The following ABCB7 variants were observed in gnomAD, a reference collection of about 807,000 sequenced individuals.
ABCB7 encodes the protein iron-sulfur clusters transporter ABCB7, mitochondrial.
In ABCB7, 7 loss-of-function variants were observed where a neutral mutation model predicts 54.4. That is an observed-to-expected ratio of 0.13 (90% confidence interval 0.07 to 0.24). ABCB7 has a LOEUF of 0.24. Ranked by LOEUF, ABCB7 falls within the 10% of genes least tolerant of loss-of-function variation. The pLI, the probability that ABCB7 is intolerant of heterozygous loss-of-function variation, is 1.00. For synonymous variants in ABCB7, 218 were observed against 207.1 expected (o/e 1.05, Z -0.45); for missense variants, 356 against 570.4 (o/e 0.62, Z 3.83).
chrX:75,059,168 T>A (rs889642262), intron 15 of ABCB7, among the ~76,000 whole-genome samples: 1 of 110,897 alleles, frequency 9.0e-6, no homozygotes, highest in Non-Finnish European at 1.9e-5. Flanking sequence ...CTCTCTAAAC[T>A]CTTAGTACAC....
intron 4 of ABCB7, among the ~76,000 whole-genome samples, chrX:75,080,110 T>G (rs1007192176): frequency 8.9e-6 from 1 of 112,140 alleles, no homozygotes; most frequent in African/African-American, 3.2e-5. Flanking sequence ...ATTCAACCAG[T>G]CACCCCGAAG....
In ABCB7 at chrX:75,060,337, G is replaced by A. The variant is rs952109184; in HGVS notation, c.1936-7C>T. 3 of 1,159,009 alleles carry A rather than the reference G, an allele frequency of 2.6e-6. No individual in the cohort carries two copies. The highest frequency in any genetic ancestry group is 1.8e-5 in the African/African-American group (1 of 56,252). ...TCATGGCACCAAGAATAGTCTGCAA[G>A]TTTGGTAATATGAAGAACAGGAGAA... On this transcript the variant is annotated splice_polypyrimidine_tract_variant and splice_region_variant and intron_variant, in intron 14 of 15. Coordinates refer to ENST00000373394, the MANE Select transcript of ABCB7 (RefSeq NM_001271696.3).
At chrX:75,141,178 G>A (rs2082050508) in intron 1 of ABCB7, among the ~76,000 whole-genome samples, 1 of 111,873 alleles carries the variant, frequency 8.9e-6, no homozygotes, top group African/African-American at 3.2e-5. Flanking sequence ...TCTGGCAGCT[G>A]CTTCGCTGAG....
At chrX:75,139,918 C>A (rs2082042039) in intron 1 of ABCB7, among the ~76,000 whole-genome samples, 1 of 111,617 alleles carries the variant, frequency 9.0e-6, no homozygotes, top group South Asian at 3.7e-4. Flanking sequence ...TAGACTGTCA[C>A]AATATCAACT....
chrX:75,125,747 A>T (rs917217544), intron 1 of ABCB7, among the ~76,000 whole-genome samples: 22 of 110,919 alleles, frequency 2.0e-4, no homozygotes, highest in African/African-American at 7.2e-4. Context: ...CCAACTGTGT[A>T]TTTCTGATAA....
chrX:75,053,526 A>G lies in ABCB7; in HGVS notation c.2103T>C (p.Tyr701=). ...HGLLANPHSI[Y]SEMWHTQSSR... ...TGCTCTGTGTATGCCACATTTCTGA[A>G]TAGATACTATGAGGGTTAGCAAGCA... The change falls in exon 16 of 16, where the codon TAT becomes TAC. Residue 701 remains tyrosine (Y), a synonymous_variant. Coordinates refer to ENST00000373394, the MANE Select transcript of ABCB7 (RefSeq NM_001271696.3). 2.5e-6 allele frequency: 3 copies of G among 1,207,594 alleles called. No homozygotes were observed. The African/African-American group carries it at 5.2e-5, about 21-fold the overall frequency.
intron 5 of ABCB7, among the ~76,000 whole-genome samples, 183 bp downstream of exon 5, chrX:75,076,339 G>A (rs1223629699): frequency 8.9e-6 from 1 of 112,042 alleles, no homozygotes; most frequent in African/African-American, 3.2e-5. Context: ...TGTTATCATG[G>A]AATTTTTTGA....
intron 1 of ABCB7, among the ~76,000 whole-genome samples, chrX:75,128,029 T>C (rs762095194): frequency 1.8e-5 from 2 of 111,875 alleles, no homozygotes; most frequent in Non-Finnish European, 3.8e-5. Flanking sequence ...CTGCCCAAAG[T>C]AATTGATAGA....
At chrX:75,094,536 A>T (rs1459196349) in intron 4 of ABCB7, among the ~76,000 whole-genome samples, 2 of 110,699 alleles carry the variant, frequency 1.8e-5, no homozygotes, top group Non-Finnish European at 3.8e-5. Flanking sequence ...AATATGATAA[A>T]ACCCCATCTC....
intron 3 of ABCB7, 136 bp downstream of exon 3, chrX:75,112,750 G>GTTTTTTTTTTTTTTTTTTTTTTTTTTTT: frequency 2.6e-6 from 1 of 389,787 alleles, no homozygotes; most frequent in Non-Finnish European, 4.5e-6. Context: ...CAATTAATAT[G>GTTTTTTTTTTTTTTTTTTTTTTTTTTTT]TTTTTTTTTT....
At position 75,070,374 on chromosome X, in the gene ABCB7, G is replaced by A; in HGVS notation, c.1356C>T (p.Thr452=). 1.7e-6 allele frequency: 2 copies of A among 1,207,274 alleles called. No individual in the cohort carries two copies. Among genetic ancestry groups the A allele is most frequent in the Non-Finnish European group, 2.2e-6 (2 of 892,326 alleles). ...NTLFTLLKVD[T]QIKDKVMASP... Reference sequence around the variant, plus strand: ...TATATAGATTACTTACTTTAATTTGGGTGTCTACCTTGAGTAGAGTAAACA... The same window carrying A: ...TATATAGATTACTTACTTTAATTTGAGTGTCTACCTTGAGTAGAGTAAACA... The change falls in exon 10 of 16, where the codon ACC becomes ACT. Residue 452 remains threonine, a synonymous_variant. Coordinates refer to ENST00000373394, the MANE Select transcript of ABCB7 (RefSeq NM_001271696.3).
chrX:75,066,374 T>C (rs888951638), intron 12 of ABCB7, among the ~76,000 whole-genome samples: 6 of 111,809 alleles, frequency 5.4e-5, no homozygotes, highest in Non-Finnish European at 1.1e-4. Context: ...ATTGAGACAA[T>C]ACTTAAACTC....
intron 1 of ABCB7, among the ~76,000 whole-genome samples, chrX:75,143,631 T>C (rs2082070480): frequency 1.8e-5 from 2 of 110,168 alleles, no homozygotes; most frequent in African/African-American, 6.6e-5. Flanking sequence ...GAAAAAGAGG[T>C]TTAATGGACT....
chrX:75,060,095 G>T, intron 15 of ABCB7, 128 bp downstream of exon 15: 1 of 539,596 alleles, frequency 1.9e-6, no homozygotes, highest in Non-Finnish European at 3.2e-6. Context: ...ATCAAAAGGG[G>T]CTAAAAACAG....
At chrX:75,054,961 T>C (rs933103032) in intron 15 of ABCB7, among the ~76,000 whole-genome samples, 3 of 111,664 alleles carry the variant, frequency 2.7e-5, no homozygotes, top group Non-Finnish European at 5.6e-5. Context: ...TTTCCTCCCC[T>C]GTTTCTGGCC....
intron 15 of ABCB7, among the ~76,000 whole-genome samples, chrX:75,055,814 ATTTG>A (rs2081235315): frequency 6.4e-5 from 7 of 109,661 alleles, no homozygotes; most frequent in Admixed American, 2.0e-4. Context: ...CTGCCCTTCA[ATTTG>A]TATTTGTCTA....
At chrX:75,109,524 A>G (rs1276989066) in intron 3 of ABCB7, among the ~76,000 whole-genome samples, 1 of 111,411 alleles carries the variant, frequency 9.0e-6, no homozygotes, top group Non-Finnish European at 1.9e-5. Flanking sequence ...TAGAAGAATC[A>G]CCTTTTCCTT....
At chrX:75,067,375 G>C (rs2147459227) in intron 12 of ABCB7, among the ~76,000 whole-genome samples, 1 of 112,227 alleles carries the variant, frequency 8.9e-6, no homozygotes, top group South Asian at 3.7e-4. Context: ...ATGCCCAAAA[G>C]AATGGCAGGA....
chrX:75,098,588 T>G (rs1293430302), intron 4 of ABCB7, among the ~76,000 whole-genome samples: 1 of 111,131 alleles, frequency 9.0e-6, no homozygotes, highest in African/African-American at 3.3e-5. Context: ...TCTTTTCAAT[T>G]TACTGGGATC....
Sources: allele counts gnomAD v4.1 joint callset (sites outside exome capture counted in the v4.1 genomes callset), GRCh38; gene constraint gnomAD v4.1.1; transcripts MANE v1.5; gene names NCBI Gene and HGNC (gene_info 2026-07-23, HGNC 2026-07-21).